The following SETDB1 variants were observed in gnomAD, a reference collection of about 807,000 sequenced individuals.
SETDB1 encodes histone-lysine N-methyltransferase SETDB1.
SETDB1 carries 31 observed loss-of-function variants against 137.4 expected under a neutral mutation model. The observed-to-expected ratio is 0.23, with a 90% CI of 0.17 to 0.30. The LOEUF (loss-of-function observed/expected upper bound fraction) is 0.30. Among genes scored for constraint, SETDB1 ranks in the 10% least tolerant of loss-of-function variants. SETDB1 has a pLI of 1.00. For synonymous variants in SETDB1, 548 were observed against 579.9 expected (o/e 0.95, Z 0.79); for missense variants, 1,113 against 1,631.5 (o/e 0.68, Z 5.47).
At chr1:150,946,637 G>A (rs1036210918) in intron 9 of SETDB1, among the ~76,000 whole-genome samples, 8 of 151,986 alleles carry the variant, frequency 5.3e-5, no homozygotes, top group South Asian at 2.1e-4. Flanking sequence ...TAGTAGAGAC[G>A]GGGTTTCTCC....
Position 150,964,682 on chromosome 1 carries a change from A to ACTAT in SETDB1, c.*321_*324dup, listed in dbSNP as rs1304295004. 4 of 596,176 alleles carry ACTAT rather than the reference A, an allele frequency of 6.7e-6. No individual in the cohort carries two copies. The East Asian group carries it at 8.3e-5, about 12-fold the overall frequency. The allele number at this position is 596,176 out of a possible 1,614,324, so 36.9% of individuals were successfully genotyped here. A position where few individuals can be genotyped will look rare whatever the true frequency, so the allele number is the denominator to read the frequency against. On this transcript the variant is annotated 3_prime_UTR_variant, in exon 22 of 22. Transcript: ENST00000692827. ...TTCTTAGAATGGAGCCTGTGTATCTACTATCTCCAGTTTGTATTATTTCTT... is the reference window on the plus strand; with the variant it reads ...TTCTTAGAATGGAGCCTGTGTATCTACTATCTATCTCCAGTTTGTATTATTTCTT...
chr1:150,927,823 A>G lies in SETDB1; in HGVS notation c.109A>G (p.Met37Val), dbSNP rs151134047. The change falls in exon 2 of 22, where the codon ATG (methionine) becomes GTG (valine). Residue 37 changes from methionine to valine, a missense_variant. Coordinates refer to ENST00000692827, the MANE Select transcript of SETDB1 (RefSeq NM_001366418.1). ...QAVVEELGIS[M>V]EELRHFIDEE... Reference sequence around the variant, plus strand: ...AGTGGTTGAGGAACTGGGTATCTCTATGGAGGAACTTCGGCATTTCATCGA... The same window carrying G: ...AGTGGTTGAGGAACTGGGTATCTCTGTGGAGGAACTTCGGCATTTCATCGA... 34 of 1,614,082 alleles carry G rather than the reference A, an allele frequency of 2.1e-5. No homozygotes were observed. The East Asian group carries it at 4.5e-4, about 21-fold the overall frequency.
chr1:150,945,018 T>C lies in SETDB1; in HGVS notation c.1050T>C (p.Ser350=), dbSNP rs1458676927. Residue 350 remains serine (S), a synonymous_variant, in exon 9 of 22, where the codon AGT becomes AGC. Coordinates refer to ENST00000692827, the MANE Select transcript of SETDB1 (RefSeq NM_001366418.1). The stretch of plus-strand genomic sequence containing the variant: ...ACCGCCCCATGGTACTGCTCAAGAG[T>C]GGCCAGCTTATCAAGACTGAGTGGG... ...YPNRPMVLLK[S]GQLIKTEWEG... 1 of 1,613,624 alleles carries C rather than the reference T, an allele frequency of 6.2e-7. No individual in the cohort carries two copies. Among genetic ancestry groups the C allele is most frequent in the East Asian group, 2.2e-5 (1 of 44,878 alleles).
rs1175619534 is a variant in SETDB1 at position 150,929,956 on chromosome 1, T to C, written c.261-11T>C. The C allele has an allele frequency of 1.9e-6, 3 of 1,610,570 alleles. No individual in the cohort carries two copies. Among genetic ancestry groups the C allele is most frequent in the Admixed American group, 1.7e-5 (1 of 59,088 alleles). On this transcript the variant is annotated splice_polypyrimidine_tract_variant and intron_variant, in intron 2 of 21. Coordinates refer to ENST00000692827, the MANE Select transcript of SETDB1 (RefSeq NM_001366418.1). ...TGGCTTTGACCTTTTCTGCATGTGT[T>C]CCAATATTAGGGCAGTGACTAATTG...
chr1:150,927,869 A>G lies in SETDB1; in HGVS notation c.155A>G (p.Asp52Gly), dbSNP rs1247093608. The change falls in exon 2 of 22, where the codon GAT (aspartate) becomes GGT (glycine). Residue 52 changes from aspartate to glycine, a missense_variant. Physicochemically the swap from Asp to Gly is moderately conservative, Grantham distance 94 (BLOSUM62 -1). This residue lies in a region of SETDB1 where 159 missense variants were observed against 188.6 expected (regional missense o/e 0.84). Transcript: ENST00000692827. ...HFIDEELEKMDCVQQRKKQLA... is the reference protein window; with the variant it reads ...HFIDEELEKMGCVQQRKKQLA... ...ATCGATGAGGAACTGGAGAAGATGG[A>G]TTGTGTACAGCAACGCAAGAAGCAG... is the stretch of plus-strand genomic sequence containing the variant. 8 of 1,614,046 alleles carry G rather than the reference A, an allele frequency of 5.0e-6. No homozygotes were observed. Among genetic ancestry groups the G allele is most frequent in the Non-Finnish European group, 6.8e-6 (8 of 1,180,048 alleles).
rs1225714666 is a variant in SETDB1 at position 150,933,767 on chromosome 1, C to CTTTTTTTTTTTTTTTTTTTTTTT, written c.412+3654_412+3655insTTTTTTTTTTTTTTTTTTTTTTT. On this transcript the variant is annotated intron_variant, in intron 3 of 21. Transcript: ENST00000692827. ...GATTTTTCTTTTTCTTTTTCTTTTT[C>CTTTTTTTTTTTTTTTTTTTTTTT]TTTTTCTTTTTCTTTTTTTTTTTTT... Among the ~76,000 whole-genome samples the CTTTTTTTTTTTTTTTTTTTTTTT allele has an allele frequency of 2.6e-5, 3 of 116,820 alleles. 1 individual carries two copies. The allele number at this position is 116,820 out of a possible 152,430, so 76.6% of individuals were successfully genotyped here.
At chr1:150,947,117 A>T in intron 10 of SETDB1, 105 bp downstream of exon 10, 1 of 1,337,044 alleles carries the variant, frequency 7.5e-7, no homozygotes, top group Non-Finnish European at 1.0e-6. Context: ...CTGTATACTC[A>T]TTGGAAACAG....
At chr1:150,962,030 C>A (rs1250348675) in intron 16 of SETDB1, 100 bp from the exon 17 acceptor site, 4 of 1,387,090 alleles carry the variant, frequency 2.9e-6, no homozygotes, top group South Asian at 1.2e-5. Context: ...GTGTACCTGT[C>A]ACTGGCTGAT....
chr1:150,962,765 C>T, intron 18 of SETDB1, 46 bp downstream of exon 18: 1 of 1,594,000 alleles, frequency 6.3e-7, no homozygotes, highest in Non-Finnish European at 8.6e-7. Context: ...GGAAAATGGG[C>T]CATTGTCACC....
chr1:150,952,841 C>G (rs373814599), intron 14 of SETDB1, among the ~76,000 whole-genome samples: 1 of 152,008 alleles, frequency 6.6e-6, no homozygotes, highest in Non-Finnish European at 1.5e-5. Flanking sequence ...GAGCTAAGAT[C>G]GCACCATTGC....
intron 7 of SETDB1, among the ~76,000 whole-genome samples, chr1:150,943,710 G>T (rs1006845361): frequency 6.6e-6 from 1 of 152,166 alleles, no homozygotes; most frequent in Non-Finnish European, 1.5e-5. Flanking sequence ...TTTTTTAAAA[G>T]TAGGGAGGTA....
In SETDB1 at chr1:150,942,955, T is replaced by C. The variant is rs751845666; in HGVS notation, c.777T>C (p.Tyr259=). 1.2e-6 allele frequency: 2 copies of C among 1,614,082 alleles called. No homozygotes were observed. Residue 259 remains tyrosine (Y), a synonymous_variant, in exon 7 of 22, where the codon TAT becomes TAC. Coordinates refer to ENST00000692827, the MANE Select transcript of SETDB1 (RefSeq NM_001366418.1). ...YDYHPPADKL[Y]VGSRVVAKYK... ...ACCACCCTCCTGCTGACAAGCTGTATGTGGGCAGTCGGGTGGTCGCCAAAT... is the reference window on the plus strand; with the variant it reads ...ACCACCCTCCTGCTGACAAGCTGTACGTGGGCAGTCGGGTGGTCGCCAAAT...
At chr1:150,941,475 C>A in intron 5 of SETDB1, 47 bp downstream of exon 5, 1 of 1,168,854 alleles carries the variant, frequency 8.6e-7, no homozygotes, top group Non-Finnish European at 1.3e-6. Flanking sequence ...TGAATTCTTA[C>A]AGAGATTTTG....
In SETDB1 at chr1:150,960,555, A is replaced by G. The variant is rs755504392; in HGVS notation, c.2504-8A>G. The G allele has an allele frequency of 1.2e-5, 20 of 1,609,420 alleles. No homozygotes were observed. The East Asian group carries it at 4.2e-4, about 34-fold the overall frequency. ...CCCTAGAAGGCCTTTAATTCTCTTC[A>G]TTCTCAGGCAAAATCCTGACAGATG... On this transcript the variant is annotated splice_polypyrimidine_tract_variant and splice_region_variant and intron_variant, in intron 15 of 21. Coordinates refer to ENST00000692827, the MANE Select transcript of SETDB1 (RefSeq NM_001366418.1).
chr1:150,935,505 T>TC (rs1040198557), intron 3 of SETDB1, among the ~76,000 whole-genome samples: 16 of 152,140 alleles, frequency 1.1e-4, no homozygotes, highest in African/African-American at 2.9e-4. Flanking sequence ...TTGACATTCA[T>TC]CTTTTCACAA....
chr1:150,944,065 T>G (rs759431698), intron 8 of SETDB1, 72 bp downstream of exon 8: 2 of 1,030,834 alleles, frequency 1.9e-6, no homozygotes, highest in Non-Finnish European at 3.1e-6. Flanking sequence ...GACATCCAGT[T>G]GAAAAGCCCT....
intron 3 of SETDB1, among the ~76,000 whole-genome samples, chr1:150,938,454 G>C (rs762709250): frequency 6.6e-6 from 1 of 151,970 alleles, no homozygotes; most frequent in Admixed American, 6.6e-5. Context: ...TCCAGAATTC[G>C]ATAGTGATGT....
chr1:150,945,330 TTTTGA>T, intron 9 of SETDB1: 1 of 1,416,818 alleles, frequency 7.1e-7, no homozygotes, highest in Non-Finnish European at 9.2e-7. Flanking sequence ...ATCTGCATGG[TTTTGA>T]TTTATTTATT....
chr1:150,931,739 A>AG (rs2102644061), intron 3 of SETDB1, among the ~76,000 whole-genome samples: 1 of 148,510 alleles, frequency 6.7e-6, no homozygotes, highest in East Asian at 1.9e-4. Context: ...AAAAAAAAAA[A>AG]AAAAAAACAG....
Sources: allele counts gnomAD v4.1 joint callset (sites outside exome capture counted in the v4.1 genomes callset), GRCh38; gene constraint gnomAD v4.1.1; regional missense constraint gnomAD v4.1.1; transcripts MANE v1.5; gene names NCBI Gene and HGNC (gene_info 2026-07-23, HGNC 2026-07-21).